SLC23A3: variants seen among roughly 807,000 people sequenced by gnomAD.
SLC23A3 encodes E2-binding protein 3.
A neutral mutation model predicts 64.7 loss-of-function variants in SLC23A3; 41 were observed. The ratio of observed to expected loss-of-function variants is 0.63; its 90% confidence interval spans 0.49 to 0.82. The LOEUF (loss-of-function observed/expected upper bound fraction) is 0.82, where lower values mean the gene tolerates loss of function less well. Among genes scored for constraint, SLC23A3 ranks in the 40% least tolerant of loss-of-function variants. SLC23A3 has a pLI of 0.00. For synonymous variants in SLC23A3, 281 were observed against 306.8 expected (o/e 0.92, Z 0.88); for missense variants, 647 against 733.4 (o/e 0.88, Z 1.36).
In SLC23A3 at chr2:219,169,744, G is replaced by T; in HGVS notation, c.163-66C>A. On this transcript the variant is annotated intron_variant, in intron 1 of 11. Transcript: ENST00000409878. This position sits in a 1 kb window ranked among gnomAD's most constrained non-coding sequence, Gnocchi z 4.5. ...GGAAATACCTACAATACTTCCAGAG[G>T]CTTTCACATGCCACATCTACACCTA... 6.2e-7 allele frequency: 1 copy of T among 1,611,172 alleles called. No homozygotes were observed.
intron 8 of SLC23A3, 52 bp from the exon 9 acceptor site, chr2:219,164,390 A>C: frequency 2.4e-6 from 3 of 1,237,036 alleles, no homozygotes; most frequent in Non-Finnish European, 3.5e-6. Flanking sequence ...AGACTGTCCC[A>C]GGTCTTTGCC....
chr2:219,168,434 C>T, intron 5 of SLC23A3, 116 bp from the exon 6 acceptor site: 1 of 1,303,406 alleles, frequency 7.7e-7, no homozygotes, highest in Non-Finnish European at 1.0e-6. Flanking sequence ...GAAGGAAACT[C>T]CCATGGAAGG....
At chr2:219,164,943 T>C (rs1239965476) in intron 8 of SLC23A3, 4 of 570,138 alleles carry the variant, frequency 7.0e-6, no homozygotes, top group Admixed American at 7.4e-5. Flanking sequence ...TTTATGTGAC[T>C]GGTTCTTTGC....
In SLC23A3 at chr2:219,168,176, T is replaced by C; in HGVS notation, c.798+19A>G. Reference sequence around the variant, plus strand: ...CCAGCCCTTCTGACCTCTACTGCCCTGCCCAGACCCACACATACCGAAAGG... The same window carrying C: ...CCAGCCCTTCTGACCTCTACTGCCCCGCCCAGACCCACACATACCGAAAGG... On this transcript the variant is annotated intron_variant, in intron 6 of 11. Coordinates refer to ENST00000409878, the MANE Select transcript of SLC23A3 (RefSeq NM_001144889.2). 6.2e-7 allele frequency: 1 copy of C among 1,612,948 alleles called. No individual in the cohort carries two copies. The highest frequency in any genetic ancestry group is 1.1e-5 in the South Asian group (1 of 90,952).
At chr2:219,167,588 C>CCA (rs754179648) in intron 7 of SLC23A3, among the ~76,000 whole-genome samples, 3 of 61,082 alleles carry the variant, frequency 4.9e-5, no homozygotes, top group African/African-American at 1.4e-4. Flanking sequence ...CCTGTCTCTA[C>CCA]AAAAAAAAAA....
At chr2:219,165,701 G>A (rs1949999190) in intron 7 of SLC23A3, among the ~76,000 whole-genome samples, 1 of 152,216 alleles carries the variant, frequency 6.6e-6, no homozygotes, top group African/African-American at 2.4e-5. Context: ...GTAGGCCTTT[G>A]TACATGCTGT....
chr2:219,162,070 G>A lies in SLC23A3; in HGVS notation c.1672C>T (p.Pro558Ser). The change falls in exon 12 of 12, where the codon CCC becomes TCC. Residue 558 changes from proline (P) to serine (S), a missense_variant. Coordinates refer to ENST00000409878, the MANE Select transcript of SLC23A3 (RefSeq NM_001144889.2). ...RLPFPIQNLC[P>S]CIPQPLHCLC... Reference sequence around the variant, plus strand: ...CAGTGGAGAGGCTGGGGGATGCAGGGACAGAGGTTTTGGATGGGGAAAGGA... The same window carrying A: ...CAGTGGAGAGGCTGGGGGATGCAGGAACAGAGGTTTTGGATGGGGAAAGGA... 3 of 1,614,224 alleles carry A rather than the reference G, an allele frequency of 1.9e-6. No individual in the cohort carries two copies. The highest frequency in any genetic ancestry group is 2.7e-5 in the African/African-American group (2 of 75,062).
Position 219,169,142 on chromosome 2 carries a change from G to C in SLC23A3, c.419-40C>G. ...GGGCATGGAGAAGAGAAGGGTGAAT[G>C]GAATGGAGACCCATTGCTCTACAGT... On this transcript the variant is annotated intron_variant, in intron 3 of 11. Transcript: ENST00000409878. The surrounding 1 kb of genome is among the most constrained non-coding windows in gnomAD (Gnocchi z 4.5). 1 of 1,607,202 alleles carries C rather than the reference G, an allele frequency of 6.2e-7. No homozygotes were observed. Among genetic ancestry groups the C allele is most frequent in the East Asian group, 2.2e-5 (1 of 44,844 alleles).
At position 219,165,357 on chromosome 2, in the gene SLC23A3, C is replaced by T. The variant is rs1410341786; in HGVS notation, c.979G>A (p.Ala327Thr). 2 of 1,551,322 alleles carry T rather than the reference C, an allele frequency of 1.3e-6. No individual in the cohort carries two copies. The highest frequency in any genetic ancestry group is 1.7e-6 in the Non-Finnish European group (2 of 1,146,926). ...LAAGISMALA[A>T]STSSLGCYAL... ...TAGCAGCCCAGGGAACTGGTGGAGG[C>T]TGCCAAGGCCATGGAGATGCCTGCA... Residue 327 changes from alanine to threonine, a missense_variant, in exon 8 of 12, where the codon GCC becomes ACC. Ala to Thr is a moderately conservative substitution (Grantham distance 58). Coordinates refer to ENST00000409878, the MANE Select transcript of SLC23A3 (RefSeq NM_001144889.2).
Position 219,164,269 on chromosome 2 carries a change from C to T in SLC23A3, c.1237G>A (p.Ala413Thr), listed in dbSNP as rs552036282. Residue 413 changes from alanine (A) to threonine (T), a missense_variant, in exon 9 of 12, where the codon GCT becomes ACT. By Grantham distance (58) the Ala-to-Thr change is moderately conservative. Transcript: ENST00000409878. ...CVGLGLSPRL[A>T]QLLTTIPLPV... ...AGTGGGATGGTGGTGAGGAGCTGAG[C>T]CAACCTGGGGGAGAGTCCAAGCCCC... 14 of 1,610,098 alleles carry T rather than the reference C, an allele frequency of 8.7e-6. No individual in the cohort carries two copies. In the African/African-American group the frequency reaches 1.7e-4, roughly 20 times the overall value.
Position 219,169,458 on chromosome 2 carries a change from G to T in SLC23A3, c.321-52C>A, listed in dbSNP as rs758511459. On this transcript the variant is annotated intron_variant, in intron 2 of 11. Transcript: ENST00000409878. The surrounding 1 kb of genome is among the most constrained non-coding windows in gnomAD (Gnocchi z 4.5). ...CTGGGACTATGTGGCAGCCAGCAAGGCTCCCCCAAACCTCTCCTACCCTCC... is the reference window on the plus strand; with the variant it reads ...CTGGGACTATGTGGCAGCCAGCAAGTCTCCCCCAAACCTCTCCTACCCTCC... The T allele has an allele frequency of 1.1e-5, 18 of 1,613,678 alleles. No individual in the cohort carries two copies. The African/African-American group carries it at 1.2e-4, about 11-fold the overall frequency.
Position 219,169,160 on chromosome 2 carries a change from T to G in SLC23A3, c.419-58A>C, listed in dbSNP as rs374774507. ...GGTGAATGGAATGGAGACCCATTGC[T>G]CTACAGTCCCACTCCTGGCACAGGT... On this transcript the variant is annotated intron_variant, in intron 3 of 11. Coordinates refer to ENST00000409878, the MANE Select transcript of SLC23A3 (RefSeq NM_001144889.2). The surrounding 1 kb of genome is among the most constrained non-coding windows in gnomAD (Gnocchi z 4.5). 4.2e-5 allele frequency: 68 copies of G among 1,601,772 alleles called. No individual in the cohort carries two copies. The African/African-American group carries it at 7.5e-4, about 18-fold the overall frequency.
Position 219,163,486 on chromosome 2 carries a change from A to G in SLC23A3, c.1343T>C (p.Ile448Thr), listed in dbSNP as rs774361786. Reference protein sequence around the residue: ...AGFSSFYLADIDSGRNIFIVG... With the variant: ...AGFSSFYLADTDSGRNIFIVG... ...AATGAAGATATTTCGCCCAGAGTCT[A>G]TGTCAGCCAGGTAGAAGCTGGAGAA... is the stretch of plus-strand genomic sequence containing the variant. Residue 448 changes from isoleucine to threonine, a missense_variant, in exon 10 of 12, where the codon ATA becomes ACA. Physicochemically the swap from Ile to Thr is moderately conservative, Grantham distance 89 (BLOSUM62 -1). Coordinates refer to ENST00000409878, the MANE Select transcript of SLC23A3 (RefSeq NM_001144889.2). 1.2e-6 allele frequency: 2 copies of G among 1,614,144 alleles called. No individual in the cohort carries two copies. The highest frequency in any genetic ancestry group is 2.7e-5 in the African/African-American group (2 of 75,040).
intron 7 of SLC23A3, among the ~76,000 whole-genome samples, chr2:219,167,268 T>TTAAA (rs1002655110): frequency 2.6e-5 from 4 of 152,074 alleles, no homozygotes; most frequent in African/African-American, 4.8e-5. Flanking sequence ...AAAAAGTAAA[T>TTAAA]TAAATAAATA....
At chr2:219,162,266 T>G in intron 11 of SLC23A3, 33 bp downstream of exon 11, 1 of 1,613,398 alleles carries the variant, frequency 6.2e-7, no homozygotes. Context: ...TCCTGGCCAC[T>G]CCCCAGTCTG....
chr2:219,166,189 G>GT (rs1266129651), intron 7 of SLC23A3, among the ~76,000 whole-genome samples: 1 of 151,862 alleles, frequency 6.6e-6, no homozygotes, highest in Admixed American at 6.6e-5. Context: ...CCTATTATAA[G>GT]TTTTTTGGTT....
At chr2:219,164,192 A>G in intron 9 of SLC23A3, 41 bp downstream of exon 9, 1 of 1,372,628 alleles carries the variant, frequency 7.3e-7, no homozygotes, top group Non-Finnish European at 1.0e-6. Flanking sequence ...CACACTGGGG[A>G]GTAGCAGTTC....
rs1950018540 is a variant in SLC23A3, at chr2:219,167,807, C to T, written c.913+123G>A. ...TGTCTGTCTCTCAGACTGATAATTT[C>T]TCTCTCCTATATGTTTTCAAAAAAC... On this transcript the variant is annotated intron_variant, in intron 7 of 11. Transcript: ENST00000409878. The T allele has an allele frequency of 5.3e-6, 4 of 760,182 alleles. No homozygotes were observed. The Admixed American group carries it at 1.1e-4, about 21-fold the overall frequency. 47.1% of individuals were successfully genotyped at this position (760,182 alleles called of 1,614,324 possible).
intron 7 of SLC23A3, among the ~76,000 whole-genome samples, chr2:219,165,799 T>G (rs1056671112): frequency 2.0e-5 from 3 of 152,216 alleles, no homozygotes; most frequent in Non-Finnish European, 4.4e-5. Flanking sequence ...TAGCTCCTAC[T>G]CATCTCTTCC....
Sources: allele counts gnomAD v4.1 joint callset (sites outside exome capture counted in the v4.1 genomes callset), GRCh38; gene constraint gnomAD v4.1.1; non-coding constraint Gnocchi (gnomAD v3.1); transcripts MANE v1.5; gene names NCBI Gene and HGNC (gene_info 2026-07-23, HGNC 2026-07-21).